Variants in ASB5 observed in about 807,000 individuals in gnomAD.
The protein encoded by ASB5 is ankyrin repeat and SOCS box protein 5.
In ASB5, 45 loss-of-function variants were observed where a neutral mutation model predicts 42.1. The observed-to-expected ratio is 1.07, with a 90% confidence interval of 0.84 to 1.37. ASB5 has a LOEUF of 1.37. Ranked by LOEUF, ASB5 falls within the 40% of genes most tolerant of loss-of-function variation. The probability of loss-of-function intolerance (pLI) is 0.00; values close to 1 mark genes in which losing one functional copy is unlikely to be tolerated. For missense variants in ASB5, 402 were observed against 399.8 expected (o/e 1.01, Z -0.05); for synonymous variants, 147 against 150.6 (o/e 0.98, Z 0.18).
intron 1 of ASB5, among the ~76,000 whole-genome samples, chr4:176,265,540 T>C (rs1209871650): frequency 6.6e-6 from 1 of 152,180 alleles, no homozygotes; most frequent in Non-Finnish European, 1.5e-5. Flanking sequence ...TTAGAACTTG[T>C]CTTGTCCATT....
Position 176,269,016 on chromosome 4 carries a change from C to T in ASB5, c.93G>A (p.Val31=), listed in dbSNP as rs754086118. ...GACTGAGGATGGCAAGGCTGATTTT[C>T]ACAAAAAGCTTAAAACAGAACAGCG... ...ILSLFCFKLF[V]KISLAILSHF... Residue 31 remains valine (V), a synonymous_variant, in exon 1 of 7, where the codon GTG becomes GTA. Coordinates refer to ENST00000296525, the MANE Select transcript of ASB5 (RefSeq NM_080874.4). The T allele has an allele frequency of 6.2e-7, 1 of 1,613,608 alleles. No homozygotes were observed. Among genetic ancestry groups the T allele is most frequent in the Non-Finnish European group, 8.5e-7 (1 of 1,179,732 alleles).
At chr4:176,260,948 T>C (rs956459664) in intron 1 of ASB5, among the ~76,000 whole-genome samples, 2 of 152,232 alleles carry the variant, frequency 1.3e-5, no homozygotes, top group African/African-American at 4.8e-5. Context: ...GTGCTGGGGT[T>C]ACAGGCGTGA....
intron 5 of ASB5, among the ~76,000 whole-genome samples, chr4:176,220,212 T>C (rs1561251654): frequency 6.6e-6 from 1 of 152,052 alleles, no homozygotes; most frequent in Non-Finnish European, 1.5e-5. Flanking sequence ...AGCCAAAAAA[T>C]AACAATCTGT....
chr4:176,216,040 G>A (rs1292053028), intron 6 of ASB5, among the ~76,000 whole-genome samples: 1 of 151,996 alleles, frequency 6.6e-6, no homozygotes, highest in East Asian at 1.9e-4. Flanking sequence ...GTCCTGAGAA[G>A]TATTATGCAC....
intron 1 of ASB5, among the ~76,000 whole-genome samples, chr4:176,259,677 G>A (rs141035100): frequency 6.6e-6 from 1 of 152,274 alleles, no homozygotes; most frequent in Non-Finnish European, 1.5e-5. Flanking sequence ...CAATGGATGG[G>A]CCTTCACTTA....
At chr4:176,232,128 C>CTTTT (rs1183365897) in intron 1 of ASB5, among the ~76,000 whole-genome samples, 1 of 98,402 alleles carries the variant, frequency 1.0e-5, no homozygotes, top group African/African-American at 4.2e-5. Context: ...TATATATATA[C>CTTTT]TTTTTTTTTT....
intron 5 of ASB5, among the ~76,000 whole-genome samples, chr4:176,218,500 A>G (rs1349168136): frequency 3.8e-5 from 3 of 78,982 alleles, no homozygotes; most frequent in East Asian, 6.2e-4. Context: ...AAATATATAT[A>G]TTTGTATGAT....
chr4:176,245,476 G>C (rs1050570349), intron 1 of ASB5, among the ~76,000 whole-genome samples: 27 of 152,178 alleles, frequency 1.8e-4, no homozygotes, highest in Admixed American at 6.5e-4. Context: ...AACCATTGTG[G>C]AAGACAGTGT....
At chr4:176,266,067 C>A (rs1754350253) in intron 1 of ASB5, among the ~76,000 whole-genome samples, 1 of 152,042 alleles carries the variant, frequency 6.6e-6, no homozygotes, top group African/African-American at 2.4e-5. Context: ...GGTAATCATA[C>A]CTTGGTCTCA....
upstream of ASB5, among the ~76,000 whole-genome samples, chr4:176,270,807 C>G (rs975553723): frequency 6.6e-6 from 1 of 152,148 alleles, no homozygotes; most frequent in African/African-American, 2.4e-5. Flanking sequence ...CATGATGATG[C>G]CTGACTCCAC....
chr4:176,236,508 T>A (rs920053147), intron 1 of ASB5, among the ~76,000 whole-genome samples: 1 of 152,158 alleles, frequency 6.6e-6, no homozygotes, highest in African/African-American at 2.4e-5. Flanking sequence ...AAAAAGGAAA[T>A]GTGTATTGGG....
At chr4:176,245,079 T>C (rs957665131) in intron 1 of ASB5, among the ~76,000 whole-genome samples, 4 of 152,154 alleles carry the variant, frequency 2.6e-5, no homozygotes, top group African/African-American at 9.7e-5. Flanking sequence ...TAATTATTCA[T>C]TACCAGGAAG....
Position 176,222,358 on chromosome 4 carries a change from T to C in ASB5, c.339A>G (p.Gly113=). The change falls in exon 3 of 7, where the codon GGA becomes GGG. Residue 113 remains glycine (G), a synonymous_variant. Coordinates refer to ENST00000296525, the MANE Select transcript of ASB5 (RefSeq NM_080874.4). ...HVTPLHEACL[G]DHVACARTLL... is the part of the protein sequence containing the mutation. ...GAGTTCTGGCACATGCCACGTGATC[T>C]CCAAGGCAGGCTTCGTGCAATGGGG... 6.2e-7 allele frequency: 1 copy of C among 1,614,062 alleles called. No individual in the cohort carries two copies.
rs537689652 is a variant in ASB5 at position 176,234,348 on chromosome 4, C to T, written c.197-9007G>A. ...ACTGGCCTCCTTGCTTTTCCTTACA[C>T]AACCTTCTGTTTGCTCTTTCTGAAG... is the stretch of plus-strand genomic sequence containing the variant. On this transcript the variant is annotated intron_variant, in intron 1 of 6. Transcript: ENST00000296525. 2.0e-5 allele frequency among the ~76,000 whole-genome samples: 3 copies of T among 152,206 alleles called. No homozygotes were observed. The South Asian group carries it at 6.2e-4, about 32-fold the overall frequency.
upstream of ASB5, among the ~76,000 whole-genome samples, chr4:176,270,022 G>A (rs769617203): frequency 5.9e-5 from 9 of 152,136 alleles, no homozygotes; most frequent in Non-Finnish European, 1.3e-4. Context: ...TATAATCTTT[G>A]TTAACCCAAA....
Position 176,224,221 on chromosome 4 carries a change from A to ATTTTTT in ASB5, c.276+1035_276+1040dup, listed in dbSNP as rs869080360. On this transcript the variant is annotated intron_variant, in intron 2 of 6. Transcript: ENST00000296525. ...ACTTCCAGATCTGGATGTGCATTTGATTTTTTTTTTTTTTTTTTTTTTTTT... is the reference window on the plus strand; with the variant it reads ...ACTTCCAGATCTGGATGTGCATTTGATTTTTTTTTTTTTTTTTTTTTTTTTTTTTTT... Among the ~76,000 whole-genome samples, 84 of 87,232 alleles carry ATTTTTT rather than the reference A, an allele frequency of 9.6e-4. 5 individuals are homozygous for ATTTTTT. Among genetic ancestry groups the ATTTTTT allele is most frequent in the South Asian group, 5.0e-3 (9 of 1,800 alleles). 57.2% of individuals were successfully genotyped at this position (87,232 alleles called of 152,430 possible).
intron 1 of ASB5, among the ~76,000 whole-genome samples, chr4:176,229,695 C>T (rs1753474414): frequency 6.6e-6 from 1 of 151,762 alleles, no homozygotes; most frequent in African/African-American, 2.4e-5. Flanking sequence ...AAACTGAAGC[C>T]AGATATTACG....
At chr4:176,276,134 A>G (rs1317295172) in intron 1 of ASB5, among the ~76,000 whole-genome samples, 2 of 152,176 alleles carry the variant, frequency 1.3e-5, no homozygotes, top group Non-Finnish European at 2.9e-5. Flanking sequence ...CTTACCTGTA[A>G]AGAGTTCCAT....
intron 1 of ASB5, among the ~76,000 whole-genome samples, chr4:176,225,701 C>T (rs1161971088): frequency 6.6e-6 from 1 of 152,086 alleles, no homozygotes; most frequent in East Asian, 1.9e-4. Context: ...GAGATTATCC[C>T]GCCTCAGTTT....
Sources: gnomAD v4.1 joint callset for allele counts (sites outside exome capture counted in the v4.1 genomes callset) on GRCh38, gnomAD v4.1.1 for gene constraint, MANE v1.5 for transcripts, NCBI Gene and HGNC (gene_info 2026-07-23, HGNC 2026-07-21) for gene names.